The following DCP2 variants were observed in gnomAD, a reference collection of about 807,000 sequenced individuals.
DCP2 encodes m7GpppN-mRNA hydrolase.
A neutral mutation model predicts 56.1 loss-of-function variants in DCP2; 30 were observed. The ratio of observed to expected loss-of-function variants is 0.53; its 90% confidence interval spans 0.40 to 0.73. The LOEUF is 0.73. Among genes scored for constraint, DCP2 ranks in the 30% least tolerant of loss-of-function variants. The pLI, the probability that DCP2 is intolerant of heterozygous loss-of-function variation, is 0.00. For synonymous variants in DCP2, 197 were observed against 163.3 expected, an observed-to-expected ratio of 1.21 and a Z score of -1.57; for missense variants, 533 against 502.7, an observed-to-expected ratio of 1.06 and a Z score of -0.58.
chr5:112,999,863 C>G (rs1452223575), intron 4 of DCP2, among the ~76,000 whole-genome samples: 1 of 151,374 alleles, frequency 6.6e-6, no homozygotes, highest in Non-Finnish European at 1.5e-5. Flanking sequence ...GAGTTTGAGA[C>G]CAGCCTGGCC....
At chr5:112,998,913 G>C (rs1177396205) in intron 4 of DCP2, among the ~76,000 whole-genome samples, 1 of 152,180 alleles carries the variant, frequency 6.6e-6, no homozygotes, top group Non-Finnish European at 1.5e-5. Context: ...GGTGCTGTTT[G>C]TTATCTAATG....
intron 1 of DCP2, among the ~76,000 whole-genome samples, chr5:112,984,982 C>T (rs1748204508): frequency 6.6e-6 from 1 of 151,820 alleles, no homozygotes; most frequent in East Asian, 1.9e-4. Flanking sequence ...AGTGATTAAG[C>T]AAGTGATCAA....
intron 4 of DCP2, among the ~76,000 whole-genome samples, chr5:112,995,097 C>G (rs530220810): frequency 4.6e-5 from 7 of 152,242 alleles, no homozygotes; most frequent in African/African-American, 1.7e-4. Flanking sequence ...TGGTTATTCA[C>G]TTTGTAATAG....
At chr5:112,996,216 G>A (rs1278845000) in intron 4 of DCP2, among the ~76,000 whole-genome samples, 1 of 152,190 alleles carries the variant, frequency 6.6e-6, no homozygotes, top group Non-Finnish European at 1.5e-5. Context: ...ACTTGGTGGT[G>A]CTGCGGTATA....
rs915926390 is a variant in DCP2, at chr5:113,021,014, T to C, written c.*7530T>C. On this transcript the variant is annotated 3_prime_UTR_variant, in exon 11 of 11. Coordinates refer to ENST00000389063, the MANE Select transcript of DCP2 (RefSeq NM_152624.6). ...GTTATTTATCATCGTAGGTTCTGAG[T>C]TGCTCATTGTGGTTGCTCTTTGGAC... 6.6e-6 allele frequency: 1 copy of C among 151,942 alleles called. No homozygotes were observed. Among genetic ancestry groups the C allele is most frequent in the Non-Finnish European group, 1.5e-5 (1 of 67,978 alleles). 9.4% of individuals were successfully genotyped at this position (151,942 alleles called of 1,614,324 possible).
At chr5:113,001,523 G>A in intron 6 of DCP2, 44 bp from the exon 7 acceptor site, 2 of 1,607,890 alleles carry the variant, frequency 1.2e-6, no homozygotes, top group Non-Finnish European at 8.5e-7. Flanking sequence ...GTCATCTTCT[G>A]TCTGTAGCCA....
intron 9 of DCP2, 151 bp downstream of exon 9, chr5:113,008,193 C>G (rs1361291754): frequency 1.8e-6 from 1 of 571,060 alleles, no homozygotes; most frequent in Non-Finnish European, 3.1e-6. Flanking sequence ...GTGCACTATT[C>G]ACACTAAAAA....
At chr5:112,981,779 T>A (rs977453191) in intron 1 of DCP2, among the ~76,000 whole-genome samples, 3 of 152,194 alleles carry the variant, frequency 2.0e-5, no homozygotes, top group African/African-American at 7.2e-5. Flanking sequence ...CCTTTTTGTT[T>A]GTTTGTTTTT....
chr5:112,991,500 C>G (rs1406146978), intron 2 of DCP2, among the ~76,000 whole-genome samples: 1 of 152,114 alleles, frequency 6.6e-6, no homozygotes, highest in Non-Finnish European at 1.5e-5. Flanking sequence ...CCTGATTTGC[C>G]TTTCTCTGTA....
chr5:112,988,960 T>C (rs572546410), intron 2 of DCP2, among the ~76,000 whole-genome samples: 2 of 152,246 alleles, frequency 1.3e-5, no homozygotes, highest in South Asian at 4.1e-4. Context: ...CAACAACCTT[T>C]GTTTTAGGTA....
intron 1 of DCP2, 64 bp from the exon 2 acceptor site, chr5:112,985,771 A>C (rs1226619827): frequency 6.4e-7 from 1 of 1,555,986 alleles, no homozygotes; most frequent in East Asian, 2.3e-5. Context: ...AAGCACTTAA[A>C]TAGCTTAAGA....
In DCP2 at chr5:113,021,901, A is replaced by G. The variant is rs985242751; in HGVS notation, c.*8417A>G. 1.3e-5 allele frequency among the ~76,000 whole-genome samples: 2 copies of G among 152,176 alleles called. No homozygotes were observed. The highest frequency in any genetic ancestry group is 2.9e-5 in the Non-Finnish European group (2 of 68,022). On this transcript the variant is annotated 3_prime_UTR_variant, in exon 11 of 11. Coordinates refer to ENST00000389063, the MANE Select transcript of DCP2 (RefSeq NM_152624.6). The stretch of plus-strand genomic sequence containing the variant: ...ATAGATAACTTCCTATTTATGCCAA[A>G]TTTTAAAAAGCCAACTAAAAATGGG...
At chr5:112,993,858 A>G (rs778008667) in intron 4 of DCP2, among the ~76,000 whole-genome samples, 9 of 151,998 alleles carry the variant, frequency 5.9e-5, no homozygotes, top group Admixed American at 6.6e-5. Flanking sequence ...ATGTGTATCT[A>G]TGTGTGTGTG....
At chr5:113,011,092 T>G (rs1749663251) in intron 10 of DCP2, among the ~76,000 whole-genome samples, 1 of 152,204 alleles carries the variant, frequency 6.6e-6, no homozygotes. Flanking sequence ...CATAAGGATT[T>G]GGGGAGAGTA....
At chr5:113,002,527 G>A (rs903869830) in intron 7 of DCP2, among the ~76,000 whole-genome samples, 4 of 151,764 alleles carry the variant, frequency 2.6e-5, no homozygotes, top group African/African-American at 9.7e-5. Context: ...CTTTTTGTTT[G>A]TTTTTTGTTT....
At chr5:112,981,163 C>T (rs1747986161) in intron 1 of DCP2, among the ~76,000 whole-genome samples, 1 of 152,072 alleles carries the variant, frequency 6.6e-6, no homozygotes, top group African/African-American at 2.4e-5. Flanking sequence ...CATGTACCAC[C>T]ATGCCCAGGT....
chr5:112,978,385 AAACAGATTC>A (rs1334354656), intron 1 of DCP2, among the ~76,000 whole-genome samples: 1 of 152,220 alleles, frequency 6.6e-6, no homozygotes, highest in Non-Finnish European at 1.5e-5. Context: ...TCATCTGCGC[AAACAGATTC>A]AGGAACTTTG....
intron 5 of DCP2, 52 bp from the exon 6 acceptor site, chr5:113,001,305 T>C: frequency 6.3e-7 from 1 of 1,597,960 alleles, no homozygotes. Context: ...AATCCTTTTA[T>C]AAGCTCCTTG....
chr5:112,992,126 A>G lies in DCP2; in HGVS notation c.211A>G (p.Ser71Gly), dbSNP rs773650123. The G allele has an allele frequency of 1.9e-6, 3 of 1,613,770 alleles. No homozygotes were observed. In the Admixed American group the frequency reaches 5.0e-5, roughly 27 times the overall value. ...TTCCTTGACACTATTTATACTCTTC[A>G]GTCATTGTCCGTTTTTGCTGCCTCA... ...GIRDFAKAVFSHCPFLLPQGE... is the reference protein window; with the variant it reads ...GIRDFAKAVFGHCPFLLPQGE... The change falls in exon 3 of 11, where the codon AGT becomes GGT. Residue 71 changes from serine to glycine, a missense_variant. By Grantham distance (56) the Ser-to-Gly change is moderately conservative (BLOSUM62 0). This residue lies in a region of DCP2 where 137 missense variants were observed against 138.2 expected (regional missense o/e 0.99). Transcript: ENST00000389063.
Sources: allele counts gnomAD v4.1 joint callset (sites outside exome capture counted in the v4.1 genomes callset), GRCh38; gene constraint gnomAD v4.1.1; regional missense constraint gnomAD v4.1.1; transcripts MANE v1.5; gene names NCBI Gene and HGNC (gene_info 2026-07-23, HGNC 2026-07-21).